The following REC114 variants were observed in gnomAD, a reference collection of about 807,000 sequenced individuals.
The protein encoded by REC114 is meiotic recombination protein REC114.
REC114 carries 27 observed loss-of-function variants against 31.3 expected under a neutral mutation model. That is an observed-to-expected ratio of 0.86 (90% CI 0.64 to 1.19). The LOEUF is 1.19. Ranked by LOEUF, REC114 falls within the 50% of genes most tolerant of loss-of-function variation. The probability of loss-of-function intolerance (pLI) is 0.00; values close to 1 mark genes in which losing one functional copy is unlikely to be tolerated. For synonymous variants in REC114, 134 were observed against 127.7 expected, an observed-to-expected ratio of 1.05 and a Z score of -0.33; for missense variants, 344 against 326.9, an observed-to-expected ratio of 1.05 and a Z score of -0.40.
Position 73,460,877 on chromosome 15 carries a change from T to A in REC114, c.160-12955T>A, listed in dbSNP as rs536893556. ...AATGTAGTCTATTTATGGCTACTGA[T>A]AATTCTTCTGTTACATGGAAAGTGT... On this transcript the variant is annotated intron_variant, in intron 1 of 5. Coordinates refer to ENST00000331090, the MANE Select transcript of REC114 (RefSeq NM_001042367.2). 3.7e-3 allele frequency among the ~76,000 whole-genome samples: 564 copies of A among 152,350 alleles called. 1 individual carries two copies. Among genetic ancestry groups the A allele is most frequent in the Non-Finnish European group, 5.9e-3 (400 of 68,028 alleles).
At chr15:73,541,370 A>G (rs116725877) in intron 3 of REC114, among the ~76,000 whole-genome samples, 1 of 152,180 alleles carries the variant, frequency 6.6e-6, no homozygotes, top group African/African-American at 2.4e-5. Context: ...TGTTTCTGAC[A>G]TCTCAAATGT....
intron 1 of REC114, among the ~76,000 whole-genome samples, chr15:73,466,828 A>AT (rs1242035014): frequency 2.6e-5 from 4 of 152,248 alleles, no homozygotes; most frequent in Admixed American, 1.3e-4. Context: ...AAAAGGTCCC[A>AT]TAAAAATGAC....
chr15:73,486,238 C>T (rs1003367086), intron 2 of REC114, among the ~76,000 whole-genome samples: 19 of 152,154 alleles, frequency 1.2e-4, no homozygotes, highest in Admixed American at 6.6e-4. Context: ...GCTGGGATTG[C>T]AGGCACGCAC....
intron 2 of REC114, among the ~76,000 whole-genome samples, chr15:73,513,316 C>G (rs1279123007): frequency 6.6e-6 from 1 of 151,780 alleles, no homozygotes; most frequent in Non-Finnish European, 1.5e-5. Flanking sequence ...AAGCACTTCT[C>G]TGTATTGGTT....
At chr15:73,461,061 T>C (rs1892982074) in intron 1 of REC114, among the ~76,000 whole-genome samples, 1 of 152,126 alleles carries the variant, frequency 6.6e-6, no homozygotes, top group South Asian at 2.1e-4. Flanking sequence ...GAGATAATTT[T>C]TGTACATTGT....
chr15:73,458,687 A>C (rs1892950232), intron 1 of REC114, among the ~76,000 whole-genome samples: 1 of 152,208 alleles, frequency 6.6e-6, no homozygotes, highest in Admixed American at 6.5e-5. Context: ...TATCCTAGAC[A>C]GCTTGTGGAG....
intron 2 of REC114, among the ~76,000 whole-genome samples, chr15:73,519,444 A>G (rs1893905388): frequency 6.6e-6 from 1 of 152,326 alleles, no homozygotes; most frequent in Non-Finnish European, 1.5e-5. Context: ...CCACCAGTGT[A>G]TGACACTTTT....
At chr15:73,535,629 C>A (rs1294280176) in intron 2 of REC114, among the ~76,000 whole-genome samples, 25 of 145,544 alleles carry the variant, frequency 1.7e-4, no homozygotes, top group Admixed American at 6.9e-4. Flanking sequence ...CAATGCCATC[C>A]CCATCAAGCT....
chr15:73,503,579 T>G (rs896663682), intron 2 of REC114, among the ~76,000 whole-genome samples: 3 of 152,112 alleles, frequency 2.0e-5, no homozygotes, highest in African/African-American at 7.2e-5. Flanking sequence ...TTCATTTTAT[T>G]TTTCTCTCTA....
intron 2 of REC114, among the ~76,000 whole-genome samples, chr15:73,535,797 A>G (rs1028531236): frequency 2.6e-5 from 4 of 151,806 alleles, no homozygotes; most frequent in Admixed American, 2.0e-4. Flanking sequence ...TACAGTAACC[A>G]AAACAGCATG....
At chr15:73,474,070 G>A (rs1893175454) in intron 2 of REC114, 149 bp downstream of exon 2, 3 of 654,318 alleles carry the variant, frequency 4.6e-6, no homozygotes, top group Non-Finnish European at 2.7e-6. Flanking sequence ...CATAATAGTG[G>A]GAAATACAGA....
intron 1 of REC114, among the ~76,000 whole-genome samples, chr15:73,471,059 T>C (rs1893126708): frequency 6.6e-6 from 1 of 152,130 alleles, no homozygotes; most frequent in Non-Finnish European, 1.5e-5. Flanking sequence ...TAGGGAGCTA[T>C]TGCAGGGCTG....
rs1333427870 is a variant in REC114, at chr15:73,559,919, C to T, written c.*3C>T. On this transcript the variant is annotated 3_prime_UTR_variant, in exon 6 of 6. Coordinates refer to ENST00000331090, the MANE Select transcript of REC114 (RefSeq NM_001042367.2). Reference sequence around the variant, plus strand: ...AGCTGGCGGGTTTGAGAAATTAATGCTCTATATACATATATAACTAAGGAA... The same window carrying T: ...AGCTGGCGGGTTTGAGAAATTAATGTTCTATATACATATATAACTAAGGAA... 4.4e-6 allele frequency: 7 copies of T among 1,605,538 alleles called. No individual in the cohort carries two copies. In the South Asian group the frequency reaches 5.6e-5, roughly 13 times the overall value.
intron 3 of REC114, among the ~76,000 whole-genome samples, chr15:73,541,293 C>T (rs1894234356): frequency 6.6e-6 from 1 of 152,160 alleles, no homozygotes; most frequent in South Asian, 2.1e-4. Context: ...GTAAGGCCAG[C>T]AGACCACAGT....
chr15:73,551,998 T>A (rs1397753071), intron 4 of REC114, among the ~76,000 whole-genome samples: 6 of 152,208 alleles, frequency 3.9e-5, no homozygotes, highest in Non-Finnish European at 8.8e-5. Context: ...GTGTCAATAT[T>A]TGAAAGACAG....
chr15:73,527,283 G>A (rs368743753), intron 2 of REC114, among the ~76,000 whole-genome samples: 4 of 152,082 alleles, frequency 2.6e-5, no homozygotes, highest in East Asian at 1.9e-4. Context: ...ATGGTATTTC[G>A]TTCTGCATAT....
At chr15:73,545,012 G>A (rs1894290128) in intron 3 of REC114, among the ~76,000 whole-genome samples, 1 of 152,192 alleles carries the variant, frequency 6.6e-6, no homozygotes, top group Non-Finnish European at 1.5e-5. Flanking sequence ...CACCTACTGT[G>A]GAGCCTGTGG....
rs1595871546 is a variant in REC114, at chr15:73,502,285, A to C, written c.249+28364A>C. ...AAAAAAATATAAAAGCTGAGGATTA[A>C]ATTTCCATGGTAACATCACCTTATT... On this transcript the variant is annotated intron_variant, in intron 2 of 5. Transcript: ENST00000331090. Among the ~76,000 whole-genome samples, 8 of 152,296 alleles carry C rather than the reference A, an allele frequency of 5.3e-5. 2 individuals carry two copies. The highest frequency in any genetic ancestry group is 5.2e-4 in the Admixed American group (8 of 15,298).
chr15:73,461,911 CT>C (rs376291124), intron 1 of REC114, among the ~76,000 whole-genome samples: 999 of 89,704 alleles, frequency 0.011, 18 homozygotes, highest in African/African-American at 0.034. Context: ...TTTTCTTTTT[CT>C]TTTTCTTTTC....
Sources: gnomAD v4.1 joint callset for allele counts (sites outside exome capture counted in the v4.1 genomes callset) on GRCh38, gnomAD v4.1.1 for gene constraint, MANE v1.5 for transcripts, NCBI Gene and HGNC (gene_info 2026-07-23, HGNC 2026-07-21) for gene names.